MED16: variants seen among roughly 807,000 people sequenced by gnomAD.
MED16 encodes mediator of RNA polymerase II transcription subunit 16.
MED16 carries 81 observed loss-of-function variants against 84.4 expected under a neutral mutation model. The observed-to-expected ratio is 0.96, with a 90% CI of 0.80 to 1.15. MED16 has a LOEUF of 1.15. MED16 is among the 50% of genes most tolerant of loss of function. The pLI is 0.00. For synonymous variants in MED16, 897 were observed against 552.2 expected (o/e 1.62, Z -8.76); for missense variants, 1,585 against 1,245.9 (o/e 1.27, Z -4.10).
intron 7 of MED16, among the ~76,000 whole-genome samples, chr19:881,346 G>A (rs1161838658): frequency 2.0e-5 from 3 of 152,200 alleles, no homozygotes; most frequent in East Asian, 1.9e-4. Flanking sequence ...CACTGGATCT[G>A]TCTGCCAGCC....
intron 11 of MED16, among the ~76,000 whole-genome samples, chr19:872,335 T>C (rs942344880): frequency 5.9e-5 from 9 of 151,554 alleles, no homozygotes; most frequent in African/African-American, 2.2e-4. Context: ...ATTTGCAGAG[T>C]CGTCCCATCC....
rs756989326 is a variant in MED16, at chr19:871,672, T to C, written c.2098+254A>G. The C allele has an allele frequency of 9.6e-6, 15 of 1,564,460 alleles. No homozygotes were observed. In the Admixed American group the frequency reaches 1.0e-4, roughly 11 times the overall value. On this transcript the variant is annotated intron_variant, in intron 12 of 15. Transcript: ENST00000325464. ...GGACCTGTGCTAGGAACTGGGGAAA[T>C]AGCAGATATCAAGGCAGAGCCACTG...
chr19:876,900 C>G (rs888836496), intron 9 of MED16, 74 bp downstream of exon 9: 2 of 1,470,108 alleles, frequency 1.4e-6, no homozygotes, highest in Non-Finnish European at 1.8e-6. Context: ...CCACGGGGCC[C>G]CACCTGCCAC....
intron 9 of MED16, 79 bp from the exon 10 acceptor site, chr19:875,533 T>C: frequency 1.1e-5 from 13 of 1,196,070 alleles, no homozygotes; most frequent in Non-Finnish European, 1.5e-5. Context: ...AGAAGAGCAG[T>C]TCGACTCTGA....
At chr19:873,325 AGGGG>A in intron 11 of MED16, 120 bp downstream of exon 11, 23 of 226,770 alleles carry the variant, frequency 1.0e-4, no homozygotes, top group Non-Finnish European at 1.2e-4. Context: ...GACTCCAAGT[AGGGG>A]CGGGACTCCA....
At chr19:886,285 A>C (rs1268124764) in intron 4 of MED16, 84 bp from the exon 5 acceptor site, 1 of 1,211,040 alleles carries the variant, frequency 8.3e-7, no homozygotes, top group Non-Finnish European at 1.1e-6. Context: ...CGCACAGAAG[A>C]ACCACGCAGA....
At chr19:868,627 C>T (rs1599311075) in intron 14 of MED16, 128 bp from the exon 15 acceptor site, 5 of 1,297,534 alleles carry the variant, frequency 3.9e-6, no homozygotes, top group Non-Finnish European at 5.3e-6. Flanking sequence ...CACGTCCCCA[C>T]CTGCCACAGG....
Position 875,535 on chromosome 19 carries a change from C to T in MED16, c.1561-81G>A, listed in dbSNP as rs575080791. On this transcript the variant is annotated intron_variant, in intron 9 of 15. Transcript: ENST00000325464. ...GCTCCAGCTGAGGAGAAGAGCAGTT[C>T]GACTCTGACACCAGGCGCTCGGTCA... 222 of 1,152,418 alleles carry T rather than the reference C, an allele frequency of 1.9e-4. No homozygotes were observed. In the African/African-American group the frequency reaches 2.9e-3, roughly 15 times the overall value. 71.4% of individuals were successfully genotyped at this position (1,152,418 alleles called of 1,614,324 possible). A position where few individuals can be genotyped will look rare whatever the true frequency, so the allele number is the denominator to read the frequency against.
chr19:874,302 C>CG (rs1374231133), intron 10 of MED16, among the ~76,000 whole-genome samples: 1 of 152,078 alleles, frequency 6.6e-6, no homozygotes, highest in Non-Finnish European at 1.5e-5. Flanking sequence ...TTAGTAGAGA[C>CG]GGGGTTTCAC....
At chr19:879,097 T>C (rs2036345979) in intron 8 of MED16, among the ~76,000 whole-genome samples, 1 of 116,026 alleles carries the variant, frequency 8.6e-6, no homozygotes, top group Non-Finnish European at 1.7e-5. Context: ...CCCCAGCAGC[T>C]CGCCTTCCCC....
chr19:877,415 C>T (rs55939330), intron 8 of MED16, among the ~76,000 whole-genome samples: 16,893 of 152,196 alleles, frequency 0.11, 1,339 homozygotes, highest in Non-Finnish European at 0.17. Flanking sequence ...CACTGGATGC[C>T]GAGCCAGGCT....
chr19:872,734 G>A (rs957860673), intron 11 of MED16, among the ~76,000 whole-genome samples: 3 of 151,750 alleles, frequency 2.0e-5, no homozygotes, highest in African/African-American at 7.3e-5. Flanking sequence ...ATGGAGACTT[G>A]ATTTCAAGGC....
chr19:891,214 G>C, intron 1 of MED16, 65 bp from the exon 2 acceptor site: 1 of 1,468,856 alleles, frequency 6.8e-7, no homozygotes, highest in East Asian at 2.3e-5. Context: ...TGGAGTGCCA[G>C]GCCAGAAGTG....
chr19:885,206 C>A (rs1191441726), intron 5 of MED16, among the ~76,000 whole-genome samples, 198 bp from the exon 6 acceptor site: 3 of 152,174 alleles, frequency 2.0e-5, no homozygotes, highest in African/African-American at 7.2e-5. Flanking sequence ...ACGCAAATGT[C>A]CCCGGATGGT....
At chr19:888,835 C>A (rs1053782122) in intron 4 of MED16, among the ~76,000 whole-genome samples, 1 of 152,182 alleles carries the variant, frequency 6.6e-6, no homozygotes, top group African/African-American at 2.4e-5. Context: ...GAGAAAAGAT[C>A]TTGTCCACTG....
At chr19:868,766 A>G (rs1159704120) in intron 14 of MED16, 97 bp downstream of exon 14, 1 of 1,335,238 alleles carries the variant, frequency 7.5e-7, no homozygotes. Context: ...TCCCTCCACC[A>G]CCCTTGACCG....
rs551527022 is a variant in MED16, at chr19:880,772, T to C, written c.1142-624A>G. Among the ~76,000 whole-genome samples the C allele has an allele frequency of 2.0e-5, 3 of 151,548 alleles. No individual in the cohort carries two copies. The South Asian group carries it at 6.3e-4, about 32-fold the overall frequency. Reference sequence around the variant, plus strand: ...CCCGTCTCTACTAAAATACAAAAAATTAGCCGGGCGTGGCAGCACGCGCCT... The same window carrying C: ...CCCGTCTCTACTAAAATACAAAAAACTAGCCGGGCGTGGCAGCACGCGCCT... On this transcript the variant is annotated intron_variant, in intron 7 of 15. Transcript: ENST00000325464.
intron 13 of MED16, among the ~76,000 whole-genome samples, chr19:870,438 G>A (rs891886800): frequency 6.6e-6 from 1 of 152,076 alleles, no homozygotes; most frequent in African/African-American, 2.4e-5. Flanking sequence ...GCTCATGCCT[G>A]TAATCCCAGC....
At chr19:881,167 GA>G (rs1307872913) in intron 7 of MED16, among the ~76,000 whole-genome samples, 5 of 152,208 alleles carry the variant, frequency 3.3e-5, no homozygotes, top group Non-Finnish European at 7.3e-5. Flanking sequence ...GGTAGGCACT[GA>G]AGAGTGTGCA....
Sources: allele counts gnomAD v4.1 joint callset (sites outside exome capture counted in the v4.1 genomes callset), GRCh38; gene constraint gnomAD v4.1.1; transcripts MANE v1.5; gene names NCBI Gene and HGNC (gene_info 2026-07-23, HGNC 2026-07-21).